PIK3C2G: variants seen among roughly 807,000 people sequenced by gnomAD.
PIK3C2G encodes phosphatidylinositol 3-kinase C2 domain-containing subunit gamma.
A neutral mutation model predicts 181.1 loss-of-function variants in PIK3C2G; 168 were observed. The ratio of observed to expected loss-of-function variants is 0.93; its 90% CI spans 0.82 to 1.05. The LOEUF (loss-of-function observed/expected upper bound fraction) is 1.05, where lower values mean the gene tolerates loss of function less well. Among genes scored for constraint, PIK3C2G ranks in the 50% least tolerant of loss-of-function variants. The pLI, the probability that PIK3C2G is intolerant of heterozygous loss-of-function variation, is 0.00. For missense variants in PIK3C2G, 1,869 were observed against 1,732.8 expected (o/e 1.08, Z -1.40); for synonymous variants, 573 against 592.2 (o/e 0.97, Z 0.47).
intron 15 of PIK3C2G, among the ~76,000 whole-genome samples, chr12:18,392,449 T>A (rs754313179): frequency 5.9e-5 from 9 of 152,152 alleles, no homozygotes; most frequent in Non-Finnish European, 1.2e-4. Context: ...ATCAAACTCC[T>A]TTTTAAACTT....
Position 18,286,904 on chromosome 12 carries a change from GC to G in PIK3C2G, c.738del (p.Ser247LeufsTer6). 1.3e-6 allele frequency: 2 copies of G among 1,568,164 alleles called. No individual in the cohort carries two copies. The highest frequency in any genetic ancestry group is 2.4e-5 in the South Asian group (2 of 83,330). On this transcript the variant is annotated frameshift_variant, in exon 3 of 33. Coordinates refer to ENST00000538779, the MANE Select transcript of PIK3C2G (RefSeq NM_001288772.2). LOFTEE classifies it high-confidence loss of function. ...ACCTCAAAGCAGCAATACGAGTCTG[GC>G]CTCTTTTTGCAACAAAGTAAAAAAG... ...EVPQSSNTSL[A>X]SFCNKVKKIR...
intron 29 of PIK3C2G, among the ~76,000 whole-genome samples, chr12:18,583,956 TA>T (rs1173697596): frequency 6.6e-6 from 1 of 151,872 alleles, no homozygotes; most frequent in Non-Finnish European, 1.5e-5. Flanking sequence ...ACCCAACCCA[TA>T]AGAATCACAA....
At chr12:18,374,815 G>T (rs1279625229) in intron 13 of PIK3C2G, among the ~76,000 whole-genome samples, 2 of 152,090 alleles carry the variant, frequency 1.3e-5, no homozygotes, top group Non-Finnish European at 2.9e-5. Flanking sequence ...ACAAGGTCTG[G>T]TTGTTTGGAA....
At chr12:18,409,189 C>T (rs1944715044) in intron 16 of PIK3C2G, among the ~76,000 whole-genome samples, 2 of 152,082 alleles carry the variant, frequency 1.3e-5, no homozygotes, top group South Asian at 4.2e-4. Context: ...AAATGAGGCA[C>T]ATATACACCA....
chr12:18,531,903 T>G (rs11044163), intron 24 of PIK3C2G, among the ~76,000 whole-genome samples: 50,274 of 152,018 alleles, frequency 0.33, 8,582 homozygotes, highest in African/African-American at 0.36. Context: ...AAGTATAATT[T>G]CTGGGTTGTA....
chr12:18,507,468 T>A (rs1941908868), intron 24 of PIK3C2G, among the ~76,000 whole-genome samples: 1 of 152,202 alleles, frequency 6.6e-6, no homozygotes, highest in Admixed American at 6.5e-5. Context: ...TACAGACACA[T>A]AAATGATTAT....
At chr12:18,500,230 C>T (rs1941330540) in intron 22 of PIK3C2G, among the ~76,000 whole-genome samples, 1 of 152,106 alleles carries the variant, frequency 6.6e-6, no homozygotes, top group South Asian at 2.1e-4. Flanking sequence ...TGGCGGGCCC[C>T]GCACTCGGAG....
At chr12:18,664,949 T>C in the PIK3C2G span, among the ~76,000 whole-genome samples, 1 of 137,476 alleles carries the variant, frequency 7.3e-6, no homozygotes, top group South Asian at 2.3e-4. Context: ...TAGGTGGGAA[T>C]TGAACAATGA....
At chr12:18,695,406 T>C in the PIK3C2G span, among the ~76,000 whole-genome samples, 4 of 152,172 alleles carry the variant, frequency 2.6e-5, no homozygotes, top group African/African-American at 9.6e-5. Flanking sequence ...AGAGTATCAG[T>C]GCATTGAATG....
chr12:18,338,749 T>G lies in PIK3C2G; in HGVS notation c.1395+201T>G, dbSNP rs1004184474. ...GTATATTTCAATTGTTTGGGGGTATTGGCAGCTTGAGTCTATTATGCCAAA... is the reference window on the plus strand; with the variant it reads ...GTATATTTCAATTGTTTGGGGGTATGGGCAGCTTGAGTCTATTATGCCAAA... On this transcript the variant is annotated intron_variant, in intron 9 of 32. Transcript: ENST00000538779. Among the ~76,000 whole-genome samples, 3 of 150,234 alleles carry G rather than the reference T, an allele frequency of 2.0e-5. No homozygotes were observed. The Admixed American group carries it at 2.0e-4, about 10-fold the overall frequency.
At chr12:18,477,591 G>A (rs1939132818) in intron 18 of PIK3C2G, among the ~76,000 whole-genome samples, 1 of 152,178 alleles carries the variant, frequency 6.6e-6, no homozygotes, top group Non-Finnish European at 1.5e-5. Flanking sequence ...TTTCCAAAAT[G>A]AATGGGATTA....
intron 11 of PIK3C2G, among the ~76,000 whole-genome samples, chr12:18,360,742 G>A (rs962518376): frequency 2.0e-5 from 3 of 152,034 alleles, no homozygotes; most frequent in Non-Finnish European, 4.4e-5. Flanking sequence ...ATAATCTTAC[G>A]AATGTTCTCT....
intron 24 of PIK3C2G, among the ~76,000 whole-genome samples, chr12:18,520,002 T>TAAAAA (rs889312316): frequency 1.9e-4 from 9 of 46,324 alleles, no homozygotes; most frequent in East Asian, 1.2e-3. Context: ...CAATAAATAC[T>TAAAAA]AAAAAAAAAA....
chr12:18,612,754 G>A (rs192309758), intron 31 of PIK3C2G, among the ~76,000 whole-genome samples: 141 of 152,128 alleles, frequency 9.3e-4, no homozygotes, highest in Admixed American at 2.7e-3. Context: ...CATTGTGCTG[G>A]ATTTTACATT....
At chr12:18,397,802 T>C (rs971093424) in intron 15 of PIK3C2G, among the ~76,000 whole-genome samples, 2 of 152,052 alleles carry the variant, frequency 1.3e-5, no homozygotes, top group African/African-American at 4.8e-5. Flanking sequence ...TACATTCATA[T>C]AAAAACTTGT....
chr12:18,502,264 G>A (rs1268864683), intron 22 of PIK3C2G, among the ~76,000 whole-genome samples: 1 of 152,150 alleles, frequency 6.6e-6, no homozygotes, highest in African/African-American at 2.4e-5. Flanking sequence ...GCACAGATAA[G>A]CCTTTTGTTT....
At chr12:18,576,213 G>A (rs543809406) in intron 29 of PIK3C2G, among the ~76,000 whole-genome samples, 73 of 152,278 alleles carry the variant, frequency 4.8e-4, no homozygotes, top group African/African-American at 1.7e-3. Flanking sequence ...TCACTTCAGT[G>A]CATAATCCCA....
At chr12:18,248,333 G>A (rs1948061630) in intron 1 of PIK3C2G, among the ~76,000 whole-genome samples, 1 of 152,166 alleles carries the variant, frequency 6.6e-6, no homozygotes, top group Non-Finnish European at 1.5e-5. Context: ...AGCACTTTGG[G>A]AGGCCGAGGC....
intron 18 of PIK3C2G, among the ~76,000 whole-genome samples, chr12:18,464,810 T>C (rs1188667126): frequency 6.6e-6 from 1 of 152,054 alleles, no homozygotes; most frequent in African/African-American, 2.4e-5. Context: ...TTGTACTCTG[T>C]AGTATAAATG....
Sources: gnomAD v4.1 joint callset for allele counts (sites outside exome capture counted in the v4.1 genomes callset) on GRCh38, gnomAD v4.1.1 for gene constraint, MANE v1.5 for transcripts, NCBI Gene and HGNC (gene_info 2026-07-23, HGNC 2026-07-21) for gene names.